GMCL1: variants seen among roughly 807,000 people sequenced by gnomAD.
GMCL1 encodes germ cell-less protein-like 1.
A neutral mutation model predicts 75.5 loss-of-function variants in GMCL1; 54 were observed. The ratio of observed to expected loss-of-function variants is 0.71; its 90% CI spans 0.57 to 0.90. The LOEUF (loss-of-function observed/expected upper bound fraction) is 0.90, where lower values mean the gene tolerates loss of function less well. GMCL1 is among the 40% of genes least tolerant of loss of function. The pLI is 0.00. For missense variants in GMCL1, 537 were observed against 622.7 expected, an observed-to-expected ratio of 0.86 and a Z score of 1.47; for synonymous variants, 210 against 209.6, an observed-to-expected ratio of 1.00 and a Z score of -0.02.
rs72839883 is a variant in GMCL1, at chr2:69,856,508, T to G, written c.1072+1548T>G. On this transcript the variant is annotated intron_variant, in intron 9 of 13. Transcript: ENST00000282570. ...ATCTTAGGTCATTAGGTTCATTAAC[T>G]GTCTTATTCCATACTCTTGTCATGC... is the stretch of plus-strand genomic sequence containing the variant. Among the ~76,000 whole-genome samples, 416 of 152,284 alleles carry G rather than the reference T, an allele frequency of 2.7e-3. 2 individuals carry two copies. The highest frequency in any genetic ancestry group is 4.5e-3 in the Non-Finnish European group (306 of 68,022).
At chr2:69,847,770 CTTTATA>C (rs772431935) in intron 7 of GMCL1, 143 bp downstream of exon 7, 5 of 475,254 alleles carry the variant, frequency 1.1e-5, no homozygotes, top group African/African-American at 2.0e-5. Flanking sequence ...CTTAAAAAGT[CTTTATA>C]TTTAGGGATT....
intron 12 of GMCL1, among the ~76,000 whole-genome samples, chr2:69,870,766 C>T (rs1253350894): frequency 6.6e-6 from 1 of 152,066 alleles, no homozygotes; most frequent in African/African-American, 2.4e-5. Flanking sequence ...AAAAGATGTT[C>T]AACATTACTA....
At position 69,879,249 on chromosome 2, in the gene GMCL1, A is replaced by G. The variant is rs2104085085; in HGVS notation, c.*245A>G. 1 of 282,992 alleles carries G rather than the reference A, an allele frequency of 3.5e-6. No individual in the cohort carries two copies. Among genetic ancestry groups the G allele is most frequent in the Non-Finnish European group, 6.6e-6 (1 of 152,256 alleles). The allele number at this position is 282,992 out of a possible 1,614,324, so 17.5% of individuals were successfully genotyped here. ...AAGCCAAGAAAATATCTGTCAAACCATTTCTGTTAGAACGATGTCAATTCA... is the reference window on the plus strand; with the variant it reads ...AAGCCAAGAAAATATCTGTCAAACCGTTTCTGTTAGAACGATGTCAATTCA... On this transcript the variant is annotated 3_prime_UTR_variant, in exon 14 of 14. Coordinates refer to ENST00000282570, the MANE Select transcript of GMCL1 (RefSeq NM_178439.5).
intron 1 of GMCL1, 80 bp downstream of exon 1, chr2:69,830,232 C>T: frequency 1.4e-6 from 2 of 1,469,858 alleles, no homozygotes; most frequent in Non-Finnish European, 1.8e-6. Flanking sequence ...CGTGCGCTTG[C>T]GGGGTGCAGC....
At chr2:69,848,915 G>A (rs961485089) in intron 7 of GMCL1, among the ~76,000 whole-genome samples, 4 of 152,082 alleles carry the variant, frequency 2.6e-5, no homozygotes, top group Non-Finnish European at 4.4e-5. Flanking sequence ...CCTACTCTGC[G>A]TATTATCTCA....
intron 9 of GMCL1, among the ~76,000 whole-genome samples, chr2:69,856,842 C>T (rs1421715276): frequency 6.6e-6 from 1 of 151,940 alleles, no homozygotes; most frequent in Non-Finnish European, 1.5e-5. Context: ...TCTTTGCATT[C>T]ATTTAAGACT....
chr2:69,846,250 T>C (rs974521174), intron 6 of GMCL1, among the ~76,000 whole-genome samples: 1 of 152,178 alleles, frequency 6.6e-6, no homozygotes, highest in Non-Finnish European at 1.5e-5. Context: ...AACACTTTAA[T>C]ACAGTCAACC....
Position 69,854,859 on chromosome 2 carries a change from G to A in GMCL1, c.971G>A (p.Gly324Glu). Residue 324 changes from glycine to glutamate, a missense_variant, in exon 9 of 14, where the codon GGA becomes GAA. Gly to Glu is a moderately conservative substitution (Grantham distance 98). This residue lies in a region of GMCL1 where 345 missense variants were observed against 410.5 expected (regional missense o/e 0.84). Transcript: ENST00000282570. ...EGMAFLETEQGKPFVSVFRHL... is the reference protein window; with the variant it reads ...EGMAFLETEQEKPFVSVFRHL... ...ATGGCCTTTCTTGAAACTGAACAAGGAAAACCATTTGTGTCAGTATTCAGA... is the reference window on the plus strand; with the variant it reads ...ATGGCCTTTCTTGAAACTGAACAAGAAAAACCATTTGTGTCAGTATTCAGA... The A allele has an allele frequency of 6.2e-7, 1 of 1,610,684 alleles. No individual in the cohort carries two copies. The highest frequency in any genetic ancestry group is 8.5e-7 in the Non-Finnish European group (1 of 1,178,652).
chr2:69,876,236 A>C (rs550070808), intron 13 of GMCL1, among the ~76,000 whole-genome samples: 1 of 152,354 alleles, frequency 6.6e-6, no homozygotes, highest in South Asian at 2.1e-4. Flanking sequence ...AAGTGATAAG[A>C]ACCTTAAAGA....
chr2:69,870,012 T>C (rs1675942419), intron 12 of GMCL1, 148 bp downstream of exon 12: 2 of 695,232 alleles, frequency 2.9e-6, no homozygotes, highest in Non-Finnish European at 4.5e-6. Context: ...TCCATTCCTG[T>C]GAAATCTATT....
chr2:69,854,255 T>C (rs529386393), intron 8 of GMCL1, among the ~76,000 whole-genome samples: 1 of 151,866 alleles, frequency 6.6e-6, no homozygotes, highest in African/African-American at 2.4e-5. Context: ...GCTCAAGCAA[T>C]CTTTCCACCT....
intron 6 of GMCL1, among the ~76,000 whole-genome samples, chr2:69,846,792 T>C (rs915520733): frequency 1.8e-4 from 27 of 152,154 alleles, no homozygotes; most frequent in African/African-American, 6.5e-4. Flanking sequence ...GCCTAGAGGT[T>C]AAAGATTACT....
At chr2:69,832,457 C>CACAT (rs150833809) in intron 1 of GMCL1, among the ~76,000 whole-genome samples, 7,180 of 151,930 alleles carry the variant, frequency 0.047, 541 homozygotes, top group African/African-American at 0.17. Flanking sequence ...TAGCCACTAC[C>CACAT]ACATACATAC....
intron 12 of GMCL1, among the ~76,000 whole-genome samples, chr2:69,871,268 A>G (rs1031837223): frequency 1.3e-5 from 2 of 152,220 alleles, no homozygotes; most frequent in African/African-American, 4.8e-5. Flanking sequence ...AGCCACTCAC[A>G]AAGCACAAAT....
intron 13 of GMCL1, among the ~76,000 whole-genome samples, chr2:69,878,033 C>G (rs1365821048): frequency 1.3e-5 from 2 of 152,136 alleles, no homozygotes; most frequent in African/African-American, 2.4e-5. Context: ...AGGATTGATT[C>G]TATTTACCAA....
intron 2 of GMCL1, among the ~76,000 whole-genome samples, chr2:69,838,358 A>AG (rs1674882336): frequency 6.6e-6 from 1 of 150,524 alleles, no homozygotes. Flanking sequence ...AAAAAAAAAA[A>AG]AAAAAATCGG....
At chr2:69,853,241 G>A (rs1235806315) in intron 8 of GMCL1, among the ~76,000 whole-genome samples, 3 of 152,070 alleles carry the variant, frequency 2.0e-5, no homozygotes, top group African/African-American at 7.2e-5. Flanking sequence ...CATATGAACT[G>A]GAACCAATGT....
chr2:69,850,468 A>G (rs913077497), intron 8 of GMCL1, among the ~76,000 whole-genome samples: 3 of 152,118 alleles, frequency 2.0e-5, no homozygotes, highest in African/African-American at 7.2e-5. Context: ...TTCTTAGTTT[A>G]TGGCCACCTT....
intron 10 of GMCL1, among the ~76,000 whole-genome samples, chr2:69,863,540 A>C (rs866965159): frequency 8.5e-5 from 13 of 152,342 alleles, no homozygotes; most frequent in African/African-American, 3.1e-4. Context: ...AAATATGTCC[A>C]GGGATATTTG....
Sources: allele counts gnomAD v4.1 joint callset (sites outside exome capture counted in the v4.1 genomes callset), GRCh38; gene constraint gnomAD v4.1.1; regional missense constraint gnomAD v4.1.1; transcripts MANE v1.5; gene names NCBI Gene and HGNC (gene_info 2026-07-23, HGNC 2026-07-21).